Variants in PIAS2 observed in about 807,000 individuals in gnomAD.
PIAS2 encodes the protein protein inhibitor of activated STAT 2.
A neutral mutation model predicts 69.7 loss-of-function variants in PIAS2; 19 were observed. The observed-to-expected ratio is 0.27, with a 90% CI of 0.19 to 0.40. The LOEUF is 0.40. Ranked by LOEUF, PIAS2 falls within the 10% of genes least tolerant of loss-of-function variation. The pLI, the probability that PIAS2 is intolerant of heterozygous loss-of-function variation, is 1.00. For missense variants in PIAS2, 624 were observed against 757.0 expected (o/e 0.82, Z 2.06); for synonymous variants, 261 against 263.2 (o/e 0.99, Z 0.08).
At chr18:46,889,149 C>T (rs577347722) in intron 2 of PIAS2, among the ~76,000 whole-genome samples, 1 of 152,130 alleles carries the variant, frequency 6.6e-6, no homozygotes, top group African/African-American at 2.4e-5. Flanking sequence ...AAACACAGGG[C>T]AAAACCTTCA....
chr18:46,878,050 CT>C (rs1200592310), intron 2 of PIAS2, among the ~76,000 whole-genome samples: 1 of 152,104 alleles, frequency 6.6e-6, no homozygotes, highest in Admixed American at 6.6e-5. Context: ...GTTATGACAG[CT>C]CTAAATCTAT....
At chr18:46,875,956 G>A (rs763124141) in intron 2 of PIAS2, among the ~76,000 whole-genome samples, 34 of 152,198 alleles carry the variant, frequency 2.2e-4, no homozygotes, top group Non-Finnish European at 4.1e-4. Context: ...CTATGGGTCA[G>A]GCCCTGAGGG....
intron 7 of PIAS2, 46 bp downstream of exon 7, chr18:46,844,687 TC>T (rs765481971): frequency 2.4e-5 from 17 of 705,964 alleles, no homozygotes; most frequent in African/African-American, 1.5e-4. Flanking sequence ...ATATGCTCAA[TC>T]TTTTTTTTTT....
intron 10 of PIAS2, 105 bp from the exon 11 acceptor site, chr18:46,828,235 T>A: frequency 1.0e-6 from 1 of 995,996 alleles, no homozygotes; most frequent in Non-Finnish European, 1.4e-6. Flanking sequence ...TGACAACATA[T>A]AGCCAGTGAA....
chr18:46,852,379 A>G (rs1467411707), intron 5 of PIAS2, among the ~76,000 whole-genome samples: 1 of 152,138 alleles, frequency 6.6e-6, no homozygotes, highest in African/African-American at 2.4e-5. Context: ...ATTGCCTTCT[A>G]TTTTTGAAAA....
At chr18:46,862,061 G>C (rs925424010) in intron 3 of PIAS2, among the ~76,000 whole-genome samples, 1 of 152,032 alleles carries the variant, frequency 6.6e-6, no homozygotes, top group Non-Finnish European at 1.5e-5. Flanking sequence ...GCCGGGCATG[G>C]TGGCTCACGC....
At chr18:46,823,508 C>T (rs114732952) in intron 11 of PIAS2, among the ~76,000 whole-genome samples, 198 of 152,308 alleles carry the variant, frequency 1.3e-3, no homozygotes, top group African/African-American at 4.5e-3. Context: ...TGTACCTACA[C>T]ACCTGTCTGT....
chr18:46,846,523 G>C (rs2046187968), intron 6 of PIAS2, 184 bp downstream of exon 6: 1 of 448,980 alleles, frequency 2.2e-6, no homozygotes, highest in Non-Finnish European at 3.8e-6. Flanking sequence ...ATTCAGGAAA[G>C]CTCAGAGTTA....
intron 1 of PIAS2, among the ~76,000 whole-genome samples, chr18:46,903,901 G>C (rs1371326468): frequency 6.6e-6 from 1 of 152,182 alleles, no homozygotes; most frequent in Non-Finnish European, 1.5e-5. Context: ...GGGATGAGCT[G>C]TTTATATACA....
intron 3 of PIAS2, among the ~76,000 whole-genome samples, chr18:46,863,500 T>C (rs1463241903): frequency 6.6e-6 from 1 of 152,074 alleles, no homozygotes; most frequent in Admixed American, 6.6e-5. Flanking sequence ...GGTTTCACCA[T>C]GTTGCCCAGG....
At chr18:46,891,083 CAA>C in intron 1 of PIAS2, 29 bp from the exon 2 acceptor site, 1 of 1,447,656 alleles carries the variant, frequency 6.9e-7, no homozygotes, top group South Asian at 1.2e-5. Flanking sequence ...AAACATAAGC[CAA>C]GTCACCCTCA....
chr18:46,858,910 G>C (rs2145509604), intron 3 of PIAS2, among the ~76,000 whole-genome samples: 1 of 152,246 alleles, frequency 6.6e-6, no homozygotes, highest in African/African-American at 2.4e-5. Context: ...AGAAGAGGCA[G>C]AGCAAGTTAT....
chr18:46,867,195 T>C (rs551442387), intron 2 of PIAS2, among the ~76,000 whole-genome samples: 71 of 152,314 alleles, frequency 4.7e-4, no homozygotes, highest in African/African-American at 1.7e-3. Context: ...TCTTTGACTT[T>C]ACCTATATTT....
intron 3 of PIAS2, among the ~76,000 whole-genome samples, chr18:46,863,600 A>G (rs980369196): frequency 6.6e-6 from 1 of 152,198 alleles, no homozygotes. Context: ...CCTGGGAATA[A>G]ATTTTTCATT....
intron 9 of PIAS2, among the ~76,000 whole-genome samples, chr18:46,831,172 C>T (rs501062): frequency 0.44 from 67,073 of 151,910 alleles, 14,881 homozygotes; most frequent in Middle Eastern, 0.52. Flanking sequence ...TATAATAAAG[C>T]TACTAGAACT....
At chr18:46,855,529 G>A (rs758517292) in intron 4 of PIAS2, 36 bp downstream of exon 4, 1 of 1,587,708 alleles carries the variant, frequency 6.3e-7, no homozygotes, top group Non-Finnish European at 8.6e-7. Context: ...TAGTAAGCAA[G>A]TATAAAACTA....
intron 9 of PIAS2, among the ~76,000 whole-genome samples, chr18:46,830,610 A>G (rs1056732940): frequency 1.3e-5 from 2 of 152,070 alleles, no homozygotes; most frequent in Admixed American, 6.5e-5. Flanking sequence ...GAGAAATAAC[A>G]AAGAACAAAA....
At chr18:46,894,852 C>G (rs1051675224) in intron 1 of PIAS2, among the ~76,000 whole-genome samples, 2 of 151,620 alleles carry the variant, frequency 1.3e-5, no homozygotes, top group African/African-American at 4.9e-5. Context: ...GGGTGGATCA[C>G]TTGAGGTCAG....
At chr18:46,913,064 A>G (rs1460755609) in intron 1 of PIAS2, among the ~76,000 whole-genome samples, 1 of 152,176 alleles carries the variant, frequency 6.6e-6, no homozygotes, top group African/African-American at 2.4e-5. Flanking sequence ...TGGAAATTTT[A>G]GTTGCATCCC....
Sources: allele counts gnomAD v4.1 joint callset (sites outside exome capture counted in the v4.1 genomes callset), GRCh38; gene constraint gnomAD v4.1.1; transcripts MANE v1.5; gene names NCBI Gene and HGNC (gene_info 2026-07-23, HGNC 2026-07-21).